PGGHG: variants seen among roughly 807,000 people sequenced by gnomAD.
PGGHG encodes ATH1, acid trehalase-like 1.
PGGHG carries 67 observed loss-of-function variants against 74.5 expected under a neutral mutation model. That is an observed-to-expected ratio of 0.90 (90% CI 0.74 to 1.10). The LOEUF is 1.10. PGGHG is among the 50% of genes least tolerant of loss of function. PGGHG has a pLI of 0.00. For synonymous variants in PGGHG, 496 were observed against 419.9 expected, an observed-to-expected ratio of 1.18 and a Z score of -2.21; for missense variants, 1,034 against 981.5, an observed-to-expected ratio of 1.05 and a Z score of -0.72.
In PGGHG at chr11:289,962, C is replaced by A; in HGVS notation, c.146C>A (p.Ala49Asp). Reference protein sequence around the residue: ...TLHVSGVYNGAGGDTHRAMLP... With the variant: ...TLHVSGVYNGDGGDTHRAMLP... ...CACGTGAGCGGCGTGTACAATGGGGCTGGCGGGGACACGCACCGGGCCATG... is the reference window on the plus strand; with the variant it reads ...CACGTGAGCGGCGTGTACAATGGGGATGGCGGGGACACGCACCGGGCCATG... The change falls in exon 2 of 14, where the codon GCT (alanine) becomes GAT (aspartate). Residue 49 changes from alanine (A) to aspartate (D), a missense_variant. Transcript: ENST00000409548. The surrounding 1 kb of genome is among the most constrained non-coding windows in gnomAD (Gnocchi z 5.6). 6.5e-7 allele frequency: 1 copy of A among 1,550,328 alleles called. No individual in the cohort carries two copies. Among genetic ancestry groups the A allele is most frequent in the Non-Finnish European group, 8.7e-7 (1 of 1,146,878 alleles).
intron 2 of PGGHG, 37 bp from the exon 3 acceptor site, chr11:290,353 C>A: frequency 5.2e-6 from 8 of 1,529,574 alleles, no homozygotes; most frequent in Non-Finnish European, 6.1e-6. Flanking sequence ...GAGGCCATAG[C>A]TTGGCAACCC....
Position 292,044 on chromosome 11 carries a change from C to T in PGGHG, c.975C>T (p.Arg325=). Residue 325 remains arginine, a synonymous_variant, in exon 5 of 14, where the codon CGC becomes CGT. Coordinates refer to ENST00000409548, the MANE Select transcript of PGGHG (RefSeq NM_025092.5). ...CCGCCAGGGCCATCCTGGAGTACCG[C>T]ATCCGCACGCTGGACGGGGCCCTGG... ...PEAARAILEY[R]IRTLDGALEN... 1.3e-6 allele frequency: 2 copies of T among 1,599,768 alleles called. No homozygotes were observed. The highest frequency in any genetic ancestry group is 1.7e-6 in the Non-Finnish European group (2 of 1,173,452).
In PGGHG at chr11:290,015, G is replaced by A; in HGVS notation, c.199G>A (p.Glu67Lys). Residue 67 changes from glutamate (E) to lysine (K), a missense_variant, in exon 2 of 14, where the codon GAG (glutamate) becomes AAG (lysine). Physicochemically the swap from Glu to Lys is moderately conservative, Grantham distance 56. Transcript: ENST00000409548. ...GCCCAGCCCCCTCAACGTCCGGCTG[G>A]AGGCCCCTGCAGGGATGGGGGAGCA... ...MLPSPLNVRL[E>K]APAGMGEQLT... 6.5e-7 allele frequency: 1 copy of A among 1,546,980 alleles called. No homozygotes were observed. The highest frequency in any genetic ancestry group is 2.4e-5 in the East Asian group (1 of 40,918).
rs200022777 is a variant in PGGHG at position 293,428 on chromosome 11, C to T, written c.1406C>T (p.Ala469Val). The T allele has an allele frequency of 1.9e-5, 30 of 1,612,246 alleles. No homozygotes were observed. The East Asian group carries it at 2.7e-4, about 14-fold the overall frequency. ...CTTCCCATCCCCAGCCAGTGGCTGG[C>T]GGTGGCTGACAAGATCAAGGTACCC... Reference protein sequence around the residue: ...LGLPIPSQWLAVADKIKVPFD... With the variant: ...LGLPIPSQWLVVADKIKVPFD... Residue 469 changes from alanine (A) to valine (V), a missense_variant, in exon 9 of 14, where the codon GCG becomes GTG. Physicochemically the swap from Ala to Val is moderately conservative, Grantham distance 64. Transcript: ENST00000409548.
chr11:293,032 G>T, intron 7 of PGGHG, 35 bp downstream of exon 7: 3 of 1,613,882 alleles, frequency 1.9e-6, no homozygotes, highest in Non-Finnish European at 2.5e-6. Flanking sequence ...CGGGGAGGAA[G>T]GGTGGATGCT....
intron 4 of PGGHG, chr11:291,411 C>T (rs368577924): frequency 1.5e-5 from 6 of 389,032 alleles, no homozygotes; most frequent in Non-Finnish European, 2.3e-5. Flanking sequence ...AGTAGTGTGG[C>T]GCTTGGAGTT....
In PGGHG at chr11:295,496, A is replaced by G. The variant is rs1160711757; in HGVS notation, c.*747A>G. The G allele has an allele frequency of 3.3e-5, 5 of 152,286 alleles. No homozygotes were observed. The highest frequency in any genetic ancestry group is 5.9e-5 in the Non-Finnish European group (4 of 68,084). The allele number at this position is 152,286 out of a possible 1,614,324, so 9.4% of individuals were successfully genotyped here. On this transcript the variant is annotated 3_prime_UTR_variant, in exon 14 of 14. Transcript: ENST00000409548. ...CCAGAGGGACTGGAGCCAGGTGTGC[A>G]TGGGTTCAAGGCCCTGGCCCTGCCC...
rs550767931 is a variant in PGGHG, at chr11:295,616, G to C, written c.*867G>C. The C allele has an allele frequency of 5.3e-5, 8 of 152,306 alleles. No individual in the cohort carries two copies. The highest frequency in any genetic ancestry group is 1.0e-4 in the Non-Finnish European group (7 of 68,072). 9.4% of individuals were successfully genotyped at this position (152,306 alleles called of 1,614,324 possible). A position where few individuals can be genotyped will look rare whatever the true frequency, so the allele number is the denominator to read the frequency against. ...CATCTGCTGCTGAAACCCTGATGAG[G>C]ACCAGGCCCCCTGCACCGCTGTCAG... is the stretch of plus-strand genomic sequence containing the variant. On this transcript the variant is annotated 3_prime_UTR_variant, in exon 14 of 14. Transcript: ENST00000409548.
rs750302296 is a variant in PGGHG at position 291,039 on chromosome 11, C to T, written c.832C>T (p.His278Tyr). 4 of 1,612,222 alleles carry T rather than the reference C, an allele frequency of 2.5e-6. No homozygotes were observed. Among genetic ancestry groups the T allele is most frequent in the Non-Finnish European group, 3.4e-6 (4 of 1,179,608 alleles). ...PQPKAPGYIC[H>Y]GLSPGGLSNG... ...GCCCAAGGCCCCAGGATACATCTGC[C>T]ATGGCCTCAGTCCTGGGGGCCTCTC... The change falls in exon 4 of 14, where the codon CAT (histidine) becomes TAT (tyrosine). Residue 278 changes from histidine (H) to tyrosine (Y), a missense_variant. His to Tyr is a moderately conservative substitution (Grantham distance 83). Transcript: ENST00000409548.
chr11:290,189 AAGAC>A (rs1845674840), intron 2 of PGGHG, 114 bp downstream of exon 2: 1 of 1,426,296 alleles, frequency 7.0e-7, no homozygotes, highest in Non-Finnish European at 9.2e-7. Context: ...AAGTCTCACT[AAGAC>A]AGGAGGCCCC....
At position 294,577 on chromosome 11, in the gene PGGHG, G is replaced by T. The variant is rs748832117; in HGVS notation, c.2042G>T (p.Arg681Leu). The change falls in exon 14 of 14, where the codon CGC becomes CTC. Residue 681 changes from arginine (R) to leucine (L), a missense_variant. Coordinates refer to ENST00000409548, the MANE Select transcript of PGGHG (RefSeq NM_025092.5). ...GCAGGACACAAGGTCTCCTTTCCCC[G>T]CTCGGCTGGCCGGATACAAATGTCA... Reference protein sequence around the residue: ...LLPGHKVSFPRSAGRIQMSPP... With the variant: ...LLPGHKVSFPLSAGRIQMSPP... 1.1e-5 allele frequency: 17 copies of T among 1,609,658 alleles called. No homozygotes were observed. The highest frequency in any genetic ancestry group is 1.4e-5 in the Non-Finnish European group (17 of 1,178,014).
chr11:291,325 C>A, intron 4 of PGGHG: 1 of 581,338 alleles, frequency 1.7e-6, no homozygotes, highest in South Asian at 3.2e-5. Flanking sequence ...GGGCCTGAGG[C>A]ACTTTCCAGA....
At position 293,711 on chromosome 11, in the gene PGGHG, G is replaced by T. The variant is rs758438107; in HGVS notation, c.1598G>T (p.Gly533Val). 5 of 1,612,600 alleles carry T rather than the reference G, an allele frequency of 3.1e-6. No homozygotes were observed. In the East Asian group the frequency reaches 1.1e-4, roughly 36 times the overall value. ...EIYEAVTSPQ[G>V]PAMTWSMFAV... is the part of the protein sequence containing the mutation. ...TACGAGGCTGTGACGTCCCCCCAGGGCCCCGCCATGACCTGGGTGAGCACC... is the reference window on the plus strand; with the variant it reads ...TACGAGGCTGTGACGTCCCCCCAGGTCCCCGCCATGACCTGGGTGAGCACC... The change falls in exon 10 of 14, where the codon GGC becomes GTC. Residue 533 changes from glycine to valine, a missense_variant. Gly to Val is a moderately radical substitution (Grantham distance 109). Coordinates refer to ENST00000409548, the MANE Select transcript of PGGHG (RefSeq NM_025092.5).
Position 293,389 on chromosome 11 carries a change from C to G in PGGHG, c.1367C>G (p.Ala456Gly). The G allele has an allele frequency of 6.2e-7, 1 of 1,612,540 alleles. No homozygotes were observed. The highest frequency in any genetic ancestry group is 8.5e-7 in the Non-Finnish European group (1 of 1,179,926). The change falls in exon 9 of 14, where the codon GCC becomes GGC. Residue 456 changes from alanine to glycine, a missense_variant. Coordinates refer to ENST00000409548, the MANE Select transcript of PGGHG (RefSeq NM_025092.5). ...QNSLRFAAAL[A>G]QDLGLPIPSQ... Reference sequence around the variant, plus strand: ...AGCCTGCGCTTTGCTGCTGCCCTGGCCCAGGACCTGGGTCTTCCCATCCCC... The same window carrying G: ...AGCCTGCGCTTTGCTGCTGCCCTGGGCCAGGACCTGGGTCTTCCCATCCCC...
At chr11:293,770 A>G in intron 10 of PGGHG, 43 bp downstream of exon 10, 1 of 1,613,414 alleles carries the variant, frequency 6.2e-7, no homozygotes, top group Non-Finnish European at 8.5e-7. Flanking sequence ...CATTGGCCTC[A>G]GTCTTCTCTG....
In PGGHG at chr11:290,057, G is replaced by A. The variant is rs1845670090; in HGVS notation, c.241G>A (p.Ala81Thr). Reference sequence around the variant, plus strand: ...GGGGGAGCAGCTGACCGAGACCTTCGCCCTGGACACCAACACAGGTAGCGC... The same window carrying A: ...GGGGGAGCAGCTGACCGAGACCTTCACCCTGGACACCAACACAGGTAGCGC... ...GMGEQLTETF[A>T]LDTNTGSFLH... The change falls in exon 2 of 14, where the codon GCC (alanine) becomes ACC (threonine). Residue 81 changes from alanine to threonine, a missense_variant. Physicochemically the swap from Ala to Thr is moderately conservative, Grantham distance 58. Coordinates refer to ENST00000409548, the MANE Select transcript of PGGHG (RefSeq NM_025092.5). 2.0e-6 allele frequency: 3 copies of A among 1,536,384 alleles called. No homozygotes were observed. The highest frequency in any genetic ancestry group is 2.6e-6 in the Non-Finnish European group (3 of 1,143,318).
At chr11:291,721 G>A (rs549411433) in intron 4 of PGGHG, 11 of 455,480 alleles carry the variant, frequency 2.4e-5, no homozygotes, top group East Asian at 3.9e-5. Flanking sequence ...GCGCATATTC[G>A]GGCTGGAGCC....
intron 4 of PGGHG, chr11:291,556 AG>A: frequency 3.9e-6 from 1 of 257,914 alleles, no homozygotes; most frequent in Non-Finnish European, 7.5e-6. Context: ...CACAGAGCGG[AG>A]GGGCATGATG....
At position 290,569 on chromosome 11, in the gene PGGHG, C is replaced by G. The variant is rs752887401; in HGVS notation, c.439C>G (p.Leu147Val). Residue 147 changes from leucine (L) to valine (V), a missense_variant, in exon 3 of 14, where the codon CTG (leucine) becomes GTG (valine). Physicochemically the swap from Leu to Val is conservative, Grantham distance 32. Transcript: ENST00000409548. ...CTCCCCAGAAAGCCCAGACCTGGAC[C>G]TGCATCAGGGTCCTGACTTCCAGGG... ...AFSPESPDLD[L>V]HQGPDFQGAR... 35 of 1,552,850 alleles carry G rather than the reference C, an allele frequency of 2.3e-5. No homozygotes were observed. The highest frequency in any genetic ancestry group is 3.0e-5 in the Non-Finnish European group (34 of 1,148,192).
Sources: gnomAD v4.1 joint callset for allele counts on GRCh38, gnomAD v4.1.1 for gene constraint, Gnocchi (gnomAD v3.1) non-coding constraint, MANE v1.5 for transcripts, NCBI Gene and HGNC (gene_info 2026-07-23, HGNC 2026-07-21) for gene names.